BTG4: variants seen among roughly 807,000 people sequenced by gnomAD.
BTG4 encodes BTG anti-proliferation factor 4, also known as protein BTG4.
Under a neutral mutation model 19.3 loss-of-function variants are expected in BTG4, and 10 were observed. The ratio of observed to expected loss-of-function variants is 0.52; its 90% CI spans 0.32 to 0.88. The LOEUF (loss-of-function observed/expected upper bound fraction) is 0.88. Among genes scored for constraint, BTG4 ranks in the 40% least tolerant of loss-of-function variants. BTG4 has a pLI of 0.04. For missense variants in BTG4, 238 were observed against 281.9 expected, an observed-to-expected ratio of 0.84 and a Z score of 1.11; for synonymous variants, 91 against 95.7, an observed-to-expected ratio of 0.95 and a Z score of 0.29.
chr11:111,505,147 C>T (rs993239570), intron 1 of BTG4, among the ~76,000 whole-genome samples: 13 of 151,808 alleles, frequency 8.6e-5, no homozygotes, highest in Non-Finnish European at 1.3e-4. Flanking sequence ...CAAAAAAAGC[C>T]CAAATAGCCA....
At chr11:111,453,241 T>C in the BTG4 span, among the ~76,000 whole-genome samples, 1 of 152,098 alleles carries the variant, frequency 6.6e-6, no homozygotes, top group Non-Finnish European at 1.5e-5. Flanking sequence ...CAGAGATGGA[T>C]CAGAGGGGGA....
At chr11:111,486,577 C>A (rs1215500784) in intron 5 of BTG4, among the ~76,000 whole-genome samples, 1 of 151,944 alleles carries the variant, frequency 6.6e-6, no homozygotes, top group Non-Finnish European at 1.5e-5. Context: ...GACAAAGATA[C>A]AACAGAAAAA....
chr11:111,468,506 A>G (rs752046902), intron 5 of BTG4, among the ~76,000 whole-genome samples: 1 of 152,254 alleles, frequency 6.6e-6, no homozygotes, highest in Non-Finnish European at 1.5e-5. Flanking sequence ...CCAAAAACTC[A>G]TAACCATGAG....
chr11:111,388,915 C>T, the BTG4 span, among the ~76,000 whole-genome samples: 2 of 152,172 alleles, frequency 1.3e-5, no homozygotes, highest in African/African-American at 4.8e-5. Flanking sequence ...TCTGAAGATG[C>T]CACACAGGAA....
At chr11:111,397,483 G>C in the BTG4 span, 1 of 152,256 alleles carries the variant, frequency 6.6e-6, no homozygotes, top group African/African-American at 2.4e-5. Flanking sequence ...TCTCTGTCTA[G>C]AATGTTCTTC....
chr11:111,410,989 CCGA>C, the BTG4 span, among the ~76,000 whole-genome samples: 13 of 152,172 alleles, frequency 8.5e-5, no homozygotes, highest in African/African-American at 3.1e-4. Context: ...AGCATCTCCG[CCGA>C]CATTACCACA....
chr11:111,499,696 C>G (rs942996062), intron 1 of BTG4, among the ~76,000 whole-genome samples: 5 of 152,090 alleles, frequency 3.3e-5, no homozygotes, highest in Non-Finnish European at 7.4e-5. Flanking sequence ...GTTACGACAA[C>G]TTTGAGCAGT....
At chr11:111,415,407 T>C in the BTG4 span, among the ~76,000 whole-genome samples, 1 of 152,184 alleles carries the variant, frequency 6.6e-6, no homozygotes, top group Non-Finnish European at 1.5e-5. Flanking sequence ...ATATAAAAGA[T>C]AGGGCTTGCA....
the BTG4 span, chr11:111,397,642 T>C: frequency 6.6e-6 from 1 of 152,236 alleles, no homozygotes; most frequent in Non-Finnish European, 1.5e-5. Context: ...AGGGCATCTG[T>C]GTCTCCTCTT....
the BTG4 span, chr11:111,455,719 T>G: frequency 2.3e-6 from 1 of 426,742 alleles, no homozygotes; most frequent in Non-Finnish European, 4.9e-6. Flanking sequence ...AAACAAAACG[T>G]CCTTTTCCCA....
intron 1 of BTG4, among the ~76,000 whole-genome samples, chr11:111,503,431 G>A (rs147713612): frequency 2.0e-5 from 3 of 152,282 alleles, no homozygotes; most frequent in East Asian, 1.9e-4. Flanking sequence ...AATTACTGCT[G>A]AAATTTGAAC....
the BTG4 span, among the ~76,000 whole-genome samples, chr11:111,437,234 G>A: frequency 6.6e-6 from 1 of 151,908 alleles, no homozygotes; most frequent in Non-Finnish European, 1.5e-5. Flanking sequence ...CCCCCTCAGA[G>A]CCCAGAGACC....
chr11:111,436,296 G>A, the BTG4 span, among the ~76,000 whole-genome samples: 2 of 152,102 alleles, frequency 1.3e-5, no homozygotes, highest in South Asian at 2.1e-4. Flanking sequence ...GTAACTCCTG[G>A]CTTTTTAGAC....
the BTG4 span, chr11:111,456,387 T>C: frequency 2.5e-6 from 1 of 399,704 alleles, no homozygotes; most frequent in East Asian, 7.3e-5. The surrounding 1 kb of genome is among the most constrained non-coding windows in gnomAD (Gnocchi z 4.2). Context: ...AGGAGCACAA[T>C]GTCTGTGGAG....
At chr11:111,476,823 G>C (rs1864425372) in intron 5 of BTG4, among the ~76,000 whole-genome samples, 1 of 152,130 alleles carries the variant, frequency 6.6e-6, no homozygotes, top group African/African-American at 2.4e-5. Context: ...AACTTTATAA[G>C]ATTAAAGACT....
chr11:111,422,406 G>T, the BTG4 span, among the ~76,000 whole-genome samples: 1 of 152,114 alleles, frequency 6.6e-6, no homozygotes, highest in Non-Finnish European at 1.5e-5. Flanking sequence ...GACCACCCAG[G>T]TGCCCTCCTG....
the BTG4 span, among the ~76,000 whole-genome samples, chr11:111,422,118 G>A: frequency 5.9e-5 from 9 of 152,160 alleles, no homozygotes. Flanking sequence ...CTCCTAAACT[G>A]CTTCAAGCCA....
chr11:111,471,118 T>C (rs1434470345), intron 5 of BTG4, among the ~76,000 whole-genome samples: 1 of 152,198 alleles, frequency 6.6e-6, no homozygotes, highest in Non-Finnish European at 1.5e-5. Flanking sequence ...CACTTTTATA[T>C]ATAGTGTCAC....
the BTG4 span, among the ~76,000 whole-genome samples, chr11:111,434,139 T>G: frequency 6.6e-6 from 1 of 152,180 alleles, no homozygotes; most frequent in Non-Finnish European, 1.5e-5. Context: ...AGCAAAGACT[T>G]GGAACCAACC....
Sources: gnomAD v4.1 joint callset for allele counts (sites outside exome capture counted in the v4.1 genomes callset) on GRCh38, gnomAD v4.1.1 for gene constraint, Gnocchi (gnomAD v3.1) non-coding constraint, MANE v1.5 for transcripts, NCBI Gene and HGNC (gene_info 2026-07-23, HGNC 2026-07-21) for gene names.